The following CD4 variants were observed in gnomAD, a reference collection of about 807,000 sequenced individuals.
CD4 encodes T-cell surface glycoprotein CD4.
CD4 carries 25 observed loss-of-function variants against 50.5 expected under a neutral mutation model. That is an observed-to-expected ratio of 0.49 (90% CI 0.36 to 0.69). The LOEUF (loss-of-function observed/expected upper bound fraction) is 0.69. Among genes scored for constraint, CD4 ranks in the 30% least tolerant of loss-of-function variants. The pLI is 0.00. For synonymous variants in CD4, 207 were observed against 221.9 expected, an observed-to-expected ratio of 0.93 and a Z score of 0.60; for missense variants, 456 against 548.5, an observed-to-expected ratio of 0.83 and a Z score of 1.68.
chr12:6,816,542 T>C lies in CD4; in HGVS notation c.955+139T>C. ...CTGGATGAAGTGAGGGAGGGCCCTC[T>C]GGGTTTGGGGCTGGTTTTGAACTGA... On this transcript the variant is annotated intron_variant, in intron 6 of 9. Transcript: ENST00000011653. This position sits in a 1 kb window ranked among gnomAD's most constrained non-coding sequence, Gnocchi z 4.9. 1 of 725,824 alleles carries C rather than the reference T, an allele frequency of 1.4e-6. No individual in the cohort carries two copies. The highest frequency in any genetic ancestry group is 1.9e-5 in the South Asian group (1 of 52,160). 45.0% of individuals were successfully genotyped at this position (725,824 alleles called of 1,614,324 possible).
intron 3 of CD4, among the ~76,000 whole-genome samples, chr12:6,808,180 C>T (rs1005553550): frequency 6.0e-5 from 9 of 150,958 alleles, no homozygotes; most frequent in Non-Finnish European, 2.9e-5. Context: ...ATTGGCCAGG[C>T]GCAGTGGCTC....
rs1187640511 is a variant in CD4 at position 6,792,723 on chromosome 12, G to C, written c.-68+3061G>C. 6.6e-6 allele frequency among the ~76,000 whole-genome samples: 1 copy of C among 152,212 alleles called. No homozygotes were observed. The highest frequency in any genetic ancestry group is 2.4e-5 in the African/African-American group (1 of 41,452). ...CTGCATTGCTGCCAAAGGCCAGGAG[G>C]ACTGTGTACAGACCGGAAGGAGCTA... On this transcript the variant is annotated intron_variant, in intron 1 of 9. Coordinates refer to ENST00000011653, the MANE Select transcript of CD4 (RefSeq NM_000616.5). The surrounding 1 kb of genome is among the most constrained non-coding windows in gnomAD (Gnocchi z 4.1).
At chr12:6,794,127 C>T (rs1591541361) in intron 1 of CD4, among the ~76,000 whole-genome samples, 3 of 151,318 alleles carry the variant, frequency 2.0e-5, no homozygotes, top group Admixed American at 2.0e-4. Context: ...GGCTGGAGTG[C>T]AGTGGCACGA....
chr12:6,817,020 G>C, intron 6 of CD4, 110 bp from the exon 7 acceptor site: 1 of 875,546 alleles, frequency 1.1e-6, no homozygotes, highest in Non-Finnish European at 1.8e-6. Flanking sequence ...TCGTAGGACT[G>C]CATGAAAACC....
At chr12:6,790,243 A>T (rs998283873) in intron 1 of CD4, among the ~76,000 whole-genome samples, 1 of 152,246 alleles carries the variant, frequency 6.6e-6, no homozygotes, top group Admixed American at 6.5e-5. Flanking sequence ...AATTGACACC[A>T]AATATCATAC....
chr12:6,814,422 G>A, intron 4 of CD4, 122 bp downstream of exon 4: 1 of 1,047,608 alleles, frequency 9.5e-7, no homozygotes, highest in South Asian at 1.6e-5. Flanking sequence ...GGACCAGGCT[G>A]TCAAACTGGC....
In CD4 at chr12:6,800,127, G is replaced by A. The variant is rs202147349; in HGVS notation, c.-12G>A. ...ACTGGCTCAGGCCCCTGCCTCCCTC[G>A]GCAAGGCCACAATGAACCGGGGAGT... is the stretch of plus-strand genomic sequence containing the variant. On this transcript the variant is annotated 5_prime_UTR_variant, in exon 2 of 10. Coordinates refer to ENST00000011653, the MANE Select transcript of CD4 (RefSeq NM_000616.5). 150 of 1,613,530 alleles carry A rather than the reference G, an allele frequency of 9.3e-5. No individual in the cohort carries two copies. Among genetic ancestry groups the A allele is most frequent in the Middle Eastern group, 1.6e-4 (1 of 6,074 alleles).
chr12:6,803,504 G>C (rs1942624541), intron 3 of CD4, among the ~76,000 whole-genome samples: 1 of 151,566 alleles, frequency 6.6e-6, no homozygotes. Flanking sequence ...TGCTTGTGGG[G>C]CCGGGCGTGG....
chr12:6,796,725 C>A (rs1046205471), intron 1 of CD4, among the ~76,000 whole-genome samples: 2 of 152,194 alleles, frequency 1.3e-5, no homozygotes, highest in Non-Finnish European at 2.9e-5. Flanking sequence ...GCAATCACTG[C>A]CTGCACAAAT....
Position 6,818,563 on chromosome 12 carries a change from T to C in CD4, c.1278+21T>C. 1 of 1,611,976 alleles carries C rather than the reference T, an allele frequency of 6.2e-7. No individual in the cohort carries two copies. Among genetic ancestry groups the C allele is most frequent in the Non-Finnish European group, 8.5e-7 (1 of 1,179,960 alleles). Reference sequence around the variant, plus strand: ...GAAGGGTGAGTAACCCCACACCTGGTCCCCACAAGGCCCTCAAACCCCTGA... The same window carrying C: ...GAAGGGTGAGTAACCCCACACCTGGCCCCCACAAGGCCCTCAAACCCCTGA... On this transcript the variant is annotated intron_variant, in intron 8 of 9. Transcript: ENST00000011653. This position sits in a 1 kb window ranked among gnomAD's most constrained non-coding sequence, Gnocchi z 5.0.
intron 1 of CD4, among the ~76,000 whole-genome samples, chr12:6,793,112 G>C (rs892003771): frequency 6.6e-6 from 1 of 152,164 alleles, no homozygotes; most frequent in Non-Finnish European, 1.5e-5. Flanking sequence ...TCAAAGGCCA[G>C]ATCTCTGGGG....
rs146488984 is a variant in CD4, at chr12:6,815,954, C to T, written c.608-102C>T. Reference sequence around the variant, plus strand: ...TGACAAGGTGGGTGTCTGGACTCGTCGGGTCCCCTTCCATCTCCCTGCTGC... The same window carrying T: ...TGACAAGGTGGGTGTCTGGACTCGTTGGGTCCCCTTCCATCTCCCTGCTGC... On this transcript the variant is annotated intron_variant, in intron 5 of 9. Coordinates refer to ENST00000011653, the MANE Select transcript of CD4 (RefSeq NM_000616.5). 1,079 of 1,553,834 alleles carry T rather than the reference C, an allele frequency of 6.9e-4. 1 individual carries two copies. The highest frequency in any genetic ancestry group is 1.3e-3 in the East Asian group (54 of 42,932).
intron 3 of CD4, among the ~76,000 whole-genome samples, chr12:6,802,937 T>C (rs1345474480): frequency 3.3e-5 from 5 of 151,944 alleles, no homozygotes; most frequent in Non-Finnish European, 5.9e-5. Flanking sequence ...GGTTCCACCA[T>C]GCTAGCAGGA....
rs1278115470 is a variant in CD4 at position 6,801,653 on chromosome 12, C to T, written c.214+1182C>T. Among the ~76,000 whole-genome samples, 4 of 150,980 alleles carry T rather than the reference C, an allele frequency of 2.6e-5. No homozygotes were observed. In the South Asian group the frequency reaches 6.4e-4, roughly 24 times the overall value. On this transcript the variant is annotated intron_variant, in intron 3 of 9. Transcript: ENST00000011653. ...TTGGCTCATTGCAACCTCCACCTCC[C>T]GGGTTCAAGTGATTCTCCTGCCTCA...
At position 6,818,089 on chromosome 12, in the gene CD4, C is replaced by T. The variant is rs1943147170; in HGVS notation, c.1157-332C>T. Among the ~76,000 whole-genome samples, 1 of 43,356 alleles carries T rather than the reference C, an allele frequency of 2.3e-5. No individual in the cohort carries two copies. Among genetic ancestry groups the T allele is most frequent in the South Asian group, 9.0e-4 (1 of 1,112 alleles). The allele number at this position is 43,356 out of a possible 152,430, so 28.4% of individuals were successfully genotyped here. A position where few individuals can be genotyped will look rare whatever the true frequency, so the allele number is the denominator to read the frequency against. On this transcript the variant is annotated intron_variant, in intron 7 of 9. Transcript: ENST00000011653. The surrounding 1 kb of genome is among the most constrained non-coding windows in gnomAD (Gnocchi z 5.0). ...ACACACATTCACACATGGACTCACACGCGCACACGCGCGCACACACACACA... is the reference window on the plus strand; with the variant it reads ...ACACACATTCACACATGGACTCACATGCGCACACGCGCGCACACACACACA...
chr12:6,798,271 G>A lies in CD4; in HGVS notation c.-67-1801G>A, dbSNP rs1156665260. Among the ~76,000 whole-genome samples, 28 of 90,462 alleles carry A rather than the reference G, an allele frequency of 3.1e-4. No individual in the cohort carries two copies. The East Asian group carries it at 5.3e-3, about 17-fold the overall frequency. 59.3% of individuals were successfully genotyped at this position (90,462 alleles called of 152,430 possible). A position where few individuals can be genotyped will look rare whatever the true frequency, so the allele number is the denominator to read the frequency against. The stretch of plus-strand genomic sequence containing the variant: ...TGCCACCTCTGCCTCCCGGGTTCAC[G>A]CCATTCTCCTGCCTCAGCCTCCCGA... On this transcript the variant is annotated intron_variant, in intron 1 of 9. Transcript: ENST00000011653.
At position 6,818,952 on chromosome 12, in the gene CD4, G is replaced by A. The variant is rs782261918; in HGVS notation, c.1346+38G>A. ...GAGGAGGGGTTGAGAGAGGGGAAAG[G>A]GGGAGGGGGAGGGAGTTAGAGAGGA... is the stretch of plus-strand genomic sequence containing the variant. On this transcript the variant is annotated intron_variant, in intron 9 of 9. Coordinates refer to ENST00000011653, the MANE Select transcript of CD4 (RefSeq NM_000616.5). The surrounding 1 kb of genome is among the most constrained non-coding windows in gnomAD (Gnocchi z 5.0). 2.5e-5 allele frequency: 23 copies of A among 907,066 alleles called. 1 individual carries two copies. In the African/African-American group the frequency reaches 3.5e-4, roughly 14 times the overall value. The allele number at this position is 907,066 out of a possible 1,614,324, so 56.2% of individuals were successfully genotyped here. A position where few individuals can be genotyped will look rare whatever the true frequency, so the allele number is the denominator to read the frequency against.
At chr12:6,805,563 G>A (rs140444744) in intron 3 of CD4, among the ~76,000 whole-genome samples, 124,163 of 140,858 alleles carry the variant, frequency 0.88, 55,602 homozygotes, top group Non-Finnish European at 0.95. Flanking sequence ...TCTGTCTCCC[G>A]AAAAAAAAAA....
At chr12:6,800,907 T>C (rs529938126) in intron 3 of CD4, among the ~76,000 whole-genome samples, 1 of 149,556 alleles carries the variant, frequency 6.7e-6, no homozygotes, top group Non-Finnish European at 1.5e-5. Flanking sequence ...AAAAAAAATA[T>C]ATATATATTT....
Sources: allele counts gnomAD v4.1 joint callset (sites outside exome capture counted in the v4.1 genomes callset), GRCh38; gene constraint gnomAD v4.1.1; non-coding constraint Gnocchi (gnomAD v3.1); transcripts MANE v1.5; gene names NCBI Gene and HGNC (gene_info 2026-07-23, HGNC 2026-07-21).